ANO3: variants seen among roughly 807,000 people sequenced by gnomAD.
ANO3 encodes the protein anoctamin 3.
In ANO3, 99 loss-of-function variants were observed where a neutral mutation model predicts 144.8. That is an observed-to-expected ratio of 0.68 (90% CI 0.58 to 0.81). The LOEUF is 0.81. Ranked by LOEUF, ANO3 falls within the 30% of genes least tolerant of loss-of-function variation. The pLI is 0.00. For missense variants in ANO3, 905 were observed against 1,202.2 expected, an observed-to-expected ratio of 0.75 and a Z score of 3.66; for synonymous variants, 414 against 392.6, an observed-to-expected ratio of 1.05 and a Z score of -0.64.
At chr11:26,539,274 A>G (rs1433912168) in intron 10 of ANO3, among the ~76,000 whole-genome samples, 2 of 152,016 alleles carry the variant, frequency 1.3e-5, no homozygotes, top group Non-Finnish European at 2.9e-5. Flanking sequence ...AGTCATGGGG[A>G]TGGCAGGGAC....
At chr11:26,572,405 A>G in intron 14 of ANO3, 1 of 239,602 alleles carries the variant, frequency 4.2e-6, no homozygotes, top group Non-Finnish European at 6.7e-6. Flanking sequence ...TTTTTTTTTC[A>G]CCCTAAGTGA....
chr11:26,492,064 A>G (rs938860542), intron 4 of ANO3, among the ~76,000 whole-genome samples: 1 of 152,218 alleles, frequency 6.6e-6, no homozygotes, highest in Non-Finnish European at 1.5e-5. Flanking sequence ...CTCTCACTCC[A>G]ATGTGGATAA....
At chr11:26,625,010 C>T (rs1354176395) in intron 18 of ANO3, among the ~76,000 whole-genome samples, 1 of 151,842 alleles carries the variant, frequency 6.6e-6, no homozygotes, top group East Asian at 1.9e-4. Flanking sequence ...CTGCAAGCTG[C>T]ACCTCGCAGG....
intron 17 of ANO3, among the ~76,000 whole-genome samples, chr11:26,613,428 T>A (rs894840142): frequency 2.6e-5 from 4 of 152,184 alleles, no homozygotes; most frequent in Non-Finnish European, 5.9e-5. Flanking sequence ...TGTGCTGTCT[T>A]GTATCTCACT....
chr11:26,408,981 G>A (rs75482601), intron 1 of ANO3, among the ~76,000 whole-genome samples: 2 of 151,480 alleles, frequency 1.3e-5, no homozygotes, highest in African/African-American at 4.8e-5. Context: ...GTTGTGGGGT[G>A]GGGGGAGTGG....
At chr11:26,226,339 A>G (rs1852256760) in intron 1 of ANO3, among the ~76,000 whole-genome samples, 1 of 152,072 alleles carries the variant, frequency 6.6e-6, no homozygotes, top group Non-Finnish European at 1.5e-5. Flanking sequence ...AAAATAAACT[A>G]TTACATTATT....
chr11:26,412,217 C>A (rs1293923014), intron 1 of ANO3, among the ~76,000 whole-genome samples: 1 of 151,848 alleles, frequency 6.6e-6, no homozygotes, highest in Non-Finnish European at 1.5e-5. Context: ...TTTCATTAGG[C>A]TATCTGAACC....
rs1331414752 is a variant in ANO3 at position 26,394,192 on chromosome 11, A to G, written c.47-47726A>G. 4.6e-5 allele frequency among the ~76,000 whole-genome samples: 7 copies of G among 151,980 alleles called. 1 individual carries two copies. Among genetic ancestry groups the G allele is most frequent in the Non-Finnish European group, 1.0e-4 (7 of 68,010 alleles). On this transcript the variant is annotated intron_variant, in intron 1 of 26. Transcript: ENST00000256737. The stretch of plus-strand genomic sequence containing the variant: ...AATATCTAAGTAAAATTCTAATCAT[A>G]TTTTCTAATTTGCAGTAAAATATTT...
At chr11:26,617,464 A>G (rs1382383991) in intron 17 of ANO3, among the ~76,000 whole-genome samples, 2 of 152,248 alleles carry the variant, frequency 1.3e-5, no homozygotes, top group African/African-American at 2.4e-5. Context: ...TTGGAATTAT[A>G]GAAGAATCTT....
At chr11:26,382,263 A>G (rs1360281383) in intron 1 of ANO3, among the ~76,000 whole-genome samples, 2 of 152,198 alleles carry the variant, frequency 1.3e-5, no homozygotes, top group African/African-American at 2.4e-5. Context: ...TGCTGATATT[A>G]TAATAACAAC....
chr11:26,378,836 G>A (rs183854377), intron 1 of ANO3, among the ~76,000 whole-genome samples: 27 of 152,134 alleles, frequency 1.8e-4, no homozygotes, highest in Admixed American at 1.6e-3. Flanking sequence ...CTATCATGCA[G>A]CATATGATGT....
At chr11:26,240,927 C>T (rs1448364985) in intron 1 of ANO3, among the ~76,000 whole-genome samples, 2 of 152,070 alleles carry the variant, frequency 1.3e-5, no homozygotes, top group Non-Finnish European at 2.9e-5. Flanking sequence ...CTGCTTCATC[C>T]TTGATATGGT....
At chr11:26,441,199 G>GCT (rs1206430464) in intron 1 of ANO3, among the ~76,000 whole-genome samples, 1 of 131,784 alleles carries the variant, frequency 7.6e-6, no homozygotes, top group Non-Finnish European at 1.6e-5. Context: ...CTCACTGCAA[G>GCT]CTCCGCCTCC....
chr11:26,471,121 C>T (rs1859767096), intron 4 of ANO3, among the ~76,000 whole-genome samples: 1 of 151,912 alleles, frequency 6.6e-6, no homozygotes, highest in Non-Finnish European at 1.5e-5. Flanking sequence ...CTCATTTTGA[C>T]AAACAAGAAA....
At chr11:26,382,077 A>G (rs1856603999) in intron 1 of ANO3, among the ~76,000 whole-genome samples, 1 of 152,120 alleles carries the variant, frequency 6.6e-6, no homozygotes, top group Non-Finnish European at 1.5e-5. Flanking sequence ...TTTATTATGC[A>G]TATGTATATG....
chr11:26,460,776 A>T (rs1368569259), intron 3 of ANO3, among the ~76,000 whole-genome samples: 1 of 152,082 alleles, frequency 6.6e-6, no homozygotes, highest in Non-Finnish European at 1.5e-5. Flanking sequence ...TGAGTAATGA[A>T]CTTCTATAGG....
intron 7 of ANO3, among the ~76,000 whole-genome samples, chr11:26,526,366 T>C (rs975839332): frequency 2.6e-5 from 4 of 152,132 alleles, no homozygotes; most frequent in Admixed American, 6.5e-5. Flanking sequence ...ATTTAATGAA[T>C]GCTCAAAGAA....
At chr11:26,522,298 A>ATAAAATC in intron 6 of ANO3, among the ~76,000 whole-genome samples, 1 of 152,198 alleles carries the variant, frequency 6.6e-6, no homozygotes, top group East Asian at 1.9e-4. Context: ...AATATGAAAT[A>ATAAAATC]TAAAATCTAA....
chr11:26,454,380 A>T (rs1002063917), intron 3 of ANO3, among the ~76,000 whole-genome samples: 5 of 152,010 alleles, frequency 3.3e-5, no homozygotes, highest in Non-Finnish European at 7.4e-5. Flanking sequence ...CGCAATAAAA[A>T]ATGATAAAGG....
Sources: gnomAD v4.1 joint callset for allele counts (sites outside exome capture counted in the v4.1 genomes callset) on GRCh38, gnomAD v4.1.1 for gene constraint, MANE v1.5 for transcripts, NCBI Gene and HGNC (gene_info 2026-07-23, HGNC 2026-07-21) for gene names.